GGT5: variants seen among roughly 807,000 people sequenced by gnomAD.
GGT5 encodes the protein glutathione hydrolase 5 proenzyme.
In GGT5, 50 loss-of-function variants were observed where a neutral mutation model predicts 58.1. That is an observed-to-expected ratio of 0.86 (90% CI 0.69 to 1.09). The LOEUF (loss-of-function observed/expected upper bound fraction) is 1.09. GGT5 is among the 50% of genes least tolerant of loss of function. The probability of loss-of-function intolerance (pLI) is 0.00; values close to 1 mark genes in which losing one functional copy is unlikely to be tolerated. For synonymous variants in GGT5, 370 were observed against 346.1 expected, an observed-to-expected ratio of 1.07 and a Z score of -0.77; for missense variants, 800 against 789.4, an observed-to-expected ratio of 1.01 and a Z score of -0.16.
rs534795190 is a variant in GGT5 at position 24,231,624 on chromosome 22, C to A, written c.755-94G>T. The A allele has an allele frequency of 1.3e-3, 1,709 of 1,270,538 alleles. 14 individuals carry two copies. Among genetic ancestry groups the A allele is most frequent in the Non-Finnish European group, 7.4e-4 (675 of 909,102 alleles). 78.7% of individuals were successfully genotyped at this position (1,270,538 alleles called of 1,614,324 possible). A position where few individuals can be genotyped will look rare whatever the true frequency, so the allele number is the denominator to read the frequency against. On this transcript the variant is annotated intron_variant, in intron 5 of 11. Coordinates refer to ENST00000327365, the MANE Select transcript of GGT5 (RefSeq NM_004121.5). ...TCAGGTCACACAATGGGATTCCACT[C>A]ATGCTTTTGCCTTGTGGACACAGGA... is the stretch of plus-strand genomic sequence containing the variant.
chr22:24,222,873 C>G (rs187720192), intron 11 of GGT5, among the ~76,000 whole-genome samples: 80 of 151,764 alleles, frequency 5.3e-4, no homozygotes, highest in Non-Finnish European at 1.0e-3. Flanking sequence ...GTCAGGAGAT[C>G]GAGACCATCC....
chr22:24,226,600 C>T, intron 7 of GGT5, 31 bp downstream of exon 7: 2 of 1,610,952 alleles, frequency 1.2e-6, no homozygotes, highest in Non-Finnish European at 1.7e-6. Context: ...AGGAGGACGG[C>T]CCACCAGCCC....
chr22:24,238,256 G>A (rs534078718), intron 1 of GGT5, among the ~76,000 whole-genome samples: 40 of 149,982 alleles, frequency 2.7e-4, no homozygotes, highest in Admixed American at 7.3e-4. Context: ...AAGGCCAGGC[G>A]CGGTGACTCA....
Position 24,219,753 on chromosome 22 carries a change from G to C in GGT5, c.*217C>G. The C allele has an allele frequency of 1.8e-6, 1 of 568,622 alleles. No homozygotes were observed. The highest frequency in any genetic ancestry group is 3.1e-6 in the Non-Finnish European group (1 of 318,260). 35.2% of individuals were successfully genotyped at this position (568,622 alleles called of 1,614,324 possible). On this transcript the variant is annotated 3_prime_UTR_variant, in exon 12 of 12. Coordinates refer to ENST00000327365, the MANE Select transcript of GGT5 (RefSeq NM_004121.5). Reference sequence around the variant, plus strand: ...CAAGAGGCCTGCGGAGGGATAGAGGGGCCGGTTCAGGACCACCAGGGGCTC... The same window carrying C: ...CAAGAGGCCTGCGGAGGGATAGAGGCGCCGGTTCAGGACCACCAGGGGCTC...
At chr22:24,232,282 T>G in intron 4 of GGT5, 74 bp from the exon 5 acceptor site, 1 of 883,974 alleles carries the variant, frequency 1.1e-6, no homozygotes, top group Non-Finnish European at 1.7e-6. Context: ...CTCTCATGGG[T>G]GGAGTCCTCA....
intron 11 of GGT5, chr22:24,220,578 C>T: frequency 2.2e-6 from 1 of 454,010 alleles, no homozygotes; most frequent in South Asian, 1.6e-5. Flanking sequence ...GCAGCAAGAT[C>T]CTGTTTCTAA....
rs761906002 is a variant in GGT5 at position 24,226,076 on chromosome 22, G to A, written c.1229C>T (p.Pro410Leu). Reference sequence around the variant, plus strand: ...CCGCCTTCCCCCAGGCCCTACGCACGGTGTGTTGATGGTGCTGGTGGCAGC... The same window carrying A: ...CCGCCTTCCCCCAGGCCCTACGCACAGTGTGTTGATGGTGCTGGTGGCAGC... ...AVAATSTINT[P>L]FGAMVYSPRT... is the part of the protein sequence containing the mutation. The change falls in exon 8 of 12, where the codon CCC (proline) becomes CTC (leucine). Residue 410 changes from proline (P) to leucine (L), a missense_variant and splice_region_variant. Coordinates refer to ENST00000327365, the MANE Select transcript of GGT5 (RefSeq NM_004121.5). 11 of 1,583,854 alleles carry A rather than the reference G, an allele frequency of 6.9e-6. No individual in the cohort carries two copies. The highest frequency in any genetic ancestry group is 3.3e-4 in the Middle Eastern group (2 of 5,978).
At chr22:24,240,488 T>C (rs1174329512) in intron 1 of GGT5, among the ~76,000 whole-genome samples, 5 of 151,048 alleles carry the variant, frequency 3.3e-5, no homozygotes, top group Non-Finnish European at 5.9e-5. Flanking sequence ...GAAAGCTGTA[T>C]AACTTTTTTT....
chr22:24,231,354 G>T (rs2148911593), intron 6 of GGT5, 30 bp downstream of exon 6: 3 of 1,488,076 alleles, frequency 2.0e-6, no homozygotes, highest in Non-Finnish European at 2.7e-6. Flanking sequence ...GGGAGGGGGT[G>T]GGCGCCAGGG....
In GGT5 at chr22:24,226,133, A is replaced by G. The variant is rs1195770960; in HGVS notation, c.1172T>C (p.Val391Ala). 1.2e-6 allele frequency: 2 copies of G among 1,610,964 alleles called. No individual in the cohort carries two copies. The highest frequency in any genetic ancestry group is 1.7e-6 in the Non-Finnish European group (2 of 1,179,516). ...AWGHGTGTSH[V>A]SVLGEDGSAV... ...GCTGCCATCCTCCCCCAGCACAGACACATGGGACGTGCCTGTCCCGTGGCC... is the reference window on the plus strand; with the variant it reads ...GCTGCCATCCTCCCCCAGCACAGACGCATGGGACGTGCCTGTCCCGTGGCC... The change falls in exon 8 of 12, where the codon GTG becomes GCG. Residue 391 changes from valine (V) to alanine (A), a missense_variant. Coordinates refer to ENST00000327365, the MANE Select transcript of GGT5 (RefSeq NM_004121.5).
At chr22:24,230,713 C>T (rs2047912057) in intron 6 of GGT5, among the ~76,000 whole-genome samples, 1 of 152,084 alleles carries the variant, frequency 6.6e-6, no homozygotes, top group Non-Finnish European at 1.5e-5. Flanking sequence ...ACATAGTTTA[C>T]CCTAGCATGG....
Position 24,233,593 on chromosome 22 carries a change from C to A in GGT5, c.305G>T (p.Gly102Val). 6.3e-7 allele frequency: 1 copy of A among 1,598,562 alleles called. No homozygotes were observed. The highest frequency in any genetic ancestry group is 1.3e-5 in the African/African-American group (1 of 74,774). ...VIFTIYNVTT[G>V]KVEVINARET... is the part of the protein sequence containing the mutation. ...CCGGGCATTGATGACCTCCACCTTC[C>A]CTGGAGTAGGGCAGGGCAGGTGAGT... The change falls in exon 3 of 12, where the codon GGG becomes GTG. Residue 102 changes from glycine to valine, a missense_variant and splice_region_variant. Physicochemically the swap from Gly to Val is moderately radical, Grantham distance 109. Coordinates refer to ENST00000327365, the MANE Select transcript of GGT5 (RefSeq NM_004121.5).
At chr22:24,223,025 G>A (rs184665457) in intron 11 of GGT5, among the ~76,000 whole-genome samples, 24 of 152,060 alleles carry the variant, frequency 1.6e-4, no homozygotes, top group African/African-American at 4.8e-4. Context: ...GGGAGGCAGA[G>A]CTTGCAGTGA....
rs1259389093 is a variant in GGT5 at position 24,220,036 on chromosome 22, G to T, written c.1695C>A (p.Ser565=). The change falls in exon 12 of 12, where the codon TCC becomes TCA. Residue 565 remains serine, a synonymous_variant. Coordinates refer to ENST00000327365, the MANE Select transcript of GGT5 (RefSeq NM_004121.5). The part of the protein sequence containing the change: ...PFFLNVVQAV[S]QEGACVYAVS... ...CGGCGTACACACAGGCCCCCTCCTG[G>T]GACACAGCCTGGACCACGTTCAGGA... 2.5e-6 allele frequency: 4 copies of T among 1,613,940 alleles called. No homozygotes were observed. The Admixed American group carries it at 6.7e-5, about 27-fold the overall frequency.
At chr22:24,220,500 C>A (rs1253068231) in intron 11 of GGT5, 2 of 463,544 alleles carry the variant, frequency 4.3e-6, no homozygotes, top group Non-Finnish European at 8.6e-6. Flanking sequence ...ACCTGTAATG[C>A]CAGCAATTTG....
intron 11 of GGT5, among the ~76,000 whole-genome samples, chr22:24,221,517 G>C (rs2047588938): frequency 6.6e-6 from 1 of 152,116 alleles, no homozygotes; most frequent in African/African-American, 2.4e-5. Context: ...GGTTTTTTGT[G>C]TGTGTCTGTT....
chr22:24,240,539 A>G (rs2048300411), intron 1 of GGT5, among the ~76,000 whole-genome samples: 1 of 151,114 alleles, frequency 6.6e-6, no homozygotes. Context: ...CCCAGGCCGG[A>G]GTGCAGCGAC....
chr22:24,243,650 T>C (rs955387546), intron 1 of GGT5: 2 of 152,188 alleles, frequency 1.3e-5, no homozygotes, highest in Non-Finnish European at 2.9e-5. Context: ...GTGGGCCCAG[T>C]GGGAGGCAGG....
intron 1 of GGT5, among the ~76,000 whole-genome samples, chr22:24,234,539 G>A (rs1382291094): frequency 1.3e-5 from 2 of 152,202 alleles, no homozygotes; most frequent in East Asian, 1.9e-4. Flanking sequence ...TCTGGCCTAG[G>A]CTGGGTGTGG....
Sources: allele counts gnomAD v4.1 joint callset (sites outside exome capture counted in the v4.1 genomes callset), GRCh38; gene constraint gnomAD v4.1.1; transcripts MANE v1.5; gene names NCBI Gene and HGNC (gene_info 2026-07-23, HGNC 2026-07-21).